RELCH: variants seen among roughly 807,000 people sequenced by gnomAD.
RELCH encodes the protein RAB11-binding protein RELCH.
In RELCH, 41 loss-of-function variants were observed where a neutral mutation model predicts 150.3. That is an observed-to-expected ratio of 0.27 (90% CI 0.21 to 0.35). The LOEUF (loss-of-function observed/expected upper bound fraction) is 0.35, where lower values mean the gene tolerates loss of function less well. Among genes scored for constraint, RELCH ranks in the 10% least tolerant of loss-of-function variants. The pLI, the probability that RELCH is intolerant of heterozygous loss-of-function variation, is 1.00. For synonymous variants in RELCH, 478 were observed against 531.8 expected, an observed-to-expected ratio of 0.90 and a Z score of 1.39; for missense variants, 1,092 against 1,467.8, an observed-to-expected ratio of 0.74 and a Z score of 4.18.
Position 62,257,956 on chromosome 18 carries a change from C to A in RELCH, c.1905C>A (p.Ile635=). Reference sequence around the variant, plus strand: ...AACATGTTTATTTTCAGAAAGAAATCCGTAGCTCCTTGGTTCTTTCAATGT... The same window carrying A: ...AACATGTTTATTTTCAGAAAGAAATACGTAGCTCCTTGGTTCTTTCAATGT... ...GALAPYLPKE[I]RSSLVLSMLQ... The change falls in exon 14 of 29, where the codon ATC becomes ATA. Residue 635 remains isoleucine (I), a synonymous_variant. Coordinates refer to ENST00000644646, the MANE Select transcript of RELCH (RefSeq NM_001346231.2). The A allele has an allele frequency of 1.9e-6, 3 of 1,591,444 alleles. No homozygotes were observed. The highest frequency in any genetic ancestry group is 2.3e-5 in the East Asian group (1 of 43,982).
intron 25 of RELCH, 33 bp from the exon 26 acceptor site, chr18:62,287,318 G>A (rs1242859536): frequency 1.9e-6 from 2 of 1,051,938 alleles, no homozygotes; most frequent in African/African-American, 3.2e-5. Context: ...CATGTTTTGG[G>A]TAAAAATTTA....
intron 28 of RELCH, among the ~76,000 whole-genome samples, chr18:62,301,640 T>G (rs2045668444): frequency 6.6e-6 from 1 of 152,010 alleles, no homozygotes; most frequent in South Asian, 2.1e-4. Context: ...AAGATTGGAG[T>G]GGAGTCTGAG....
chr18:62,192,169 T>A (rs2038691365), intron 1 of RELCH, among the ~76,000 whole-genome samples: 1 of 152,266 alleles, frequency 6.6e-6, no homozygotes. Flanking sequence ...TTTTTTCATA[T>A]GCTTGTTGCC....
At chr18:62,199,881 C>T (rs2039313955) in intron 1 of RELCH, among the ~76,000 whole-genome samples, 1 of 152,124 alleles carries the variant, frequency 6.6e-6, no homozygotes, top group Admixed American at 6.5e-5. Flanking sequence ...GGTAATGACT[C>T]CTTTAGCACA....
At chr18:62,219,203 G>A (rs1285595292) in intron 2 of RELCH, among the ~76,000 whole-genome samples, 1 of 151,122 alleles carries the variant, frequency 6.6e-6, no homozygotes, top group Non-Finnish European at 1.5e-5. Context: ...TCTGACATGG[G>A]TTTTTCTGGC....
Position 62,227,271 on chromosome 18 carries a change from T to G in RELCH, c.859-18T>G. 1.3e-6 allele frequency: 2 copies of G among 1,481,492 alleles called. No homozygotes were observed. The highest frequency in any genetic ancestry group is 1.8e-6 in the Non-Finnish European group (2 of 1,087,784). The allele number at this position is 1,481,492 out of a possible 1,614,324, so 91.8% of individuals were successfully genotyped here. A position where few individuals can be genotyped will look rare whatever the true frequency, so the allele number is the denominator to read the frequency against. The stretch of plus-strand genomic sequence containing the variant: ...AAATTTCCTCGAAGATTTTTTATGT[T>G]TTTTTTTTATCTTTTAGGATTTTGA... On this transcript the variant is annotated intron_variant, in intron 5 of 28. Coordinates refer to ENST00000644646, the MANE Select transcript of RELCH (RefSeq NM_001346231.2).
In RELCH at chr18:62,309,081, T is replaced by G. The variant is rs1324068173; in HGVS notation, c.*3547T>G. On this transcript the variant is annotated 3_prime_UTR_variant, in exon 29 of 29. Transcript: ENST00000644646. ...ATGGTGAAACCGTCTCTACTAAAAATACAAAATTAGCCGGGTATGGTGGCG... is the reference window on the plus strand; with the variant it reads ...ATGGTGAAACCGTCTCTACTAAAAAGACAAAATTAGCCGGGTATGGTGGCG... The G allele has an allele frequency of 6.6e-6, 1 of 151,852 alleles. No homozygotes were observed. The highest frequency in any genetic ancestry group is 6.6e-5 in the Admixed American group (1 of 15,248). 9.4% of individuals were successfully genotyped at this position (151,852 alleles called of 1,614,324 possible). A position where few individuals can be genotyped will look rare whatever the true frequency, so the allele number is the denominator to read the frequency against.
intron 1 of RELCH, among the ~76,000 whole-genome samples, chr18:62,197,651 T>A (rs1599779352): frequency 6.6e-6 from 1 of 152,174 alleles, no homozygotes; most frequent in Non-Finnish European, 1.5e-5. Flanking sequence ...TCCTCATAGA[T>A]TTCTGAGAAT....
chr18:62,211,814 A>G (rs2040189188), intron 2 of RELCH, among the ~76,000 whole-genome samples: 1 of 152,154 alleles, frequency 6.6e-6, no homozygotes, highest in African/African-American at 2.4e-5. Context: ...AAAAAGGTTA[A>G]AATACTTCTG....
rs146015918 is a variant in RELCH at position 62,261,549 on chromosome 18, G to T, written c.2241G>T (p.Met747Ile). The T allele has an allele frequency of 5.0e-6, 8 of 1,611,860 alleles. No individual in the cohort carries two copies. Among genetic ancestry groups the T allele is most frequent in the Non-Finnish European group, 6.8e-6 (8 of 1,178,734 alleles). The change falls in exon 16 of 29, where the codon ATG becomes ATT. Residue 747 changes from methionine to isoleucine, a missense_variant. Physicochemically the swap from Met to Ile is conservative, Grantham distance 10 (BLOSUM62 1). Around this residue, in one of 4 missense-constraint regions of RELCH, gnomAD observed 707 missense variants for 1,025.4 expected, o/e 0.69. Coordinates refer to ENST00000644646, the MANE Select transcript of RELCH (RefSeq NM_001346231.2). ...GACTGGATGAACACAAACTCCACAT[G>T]TATCTTTCTGCCTTGCAGTCCTTGA... ...EHGLDEHKLH[M>I]YLSALQSLIP...
In RELCH at chr18:62,275,483, C is replaced by G; in HGVS notation, c.2967+10C>G. On this transcript the variant is annotated intron_variant, in intron 22 of 28. Transcript: ENST00000644646. Reference sequence around the variant, plus strand: ...TGCTAGAATGTTTGAGGTATGTCAACACATGCCTCTGTTGGTTTCAATTAT... The same window carrying G: ...TGCTAGAATGTTTGAGGTATGTCAAGACATGCCTCTGTTGGTTTCAATTAT... 6.7e-7 allele frequency: 1 copy of G among 1,494,740 alleles called. No individual in the cohort carries two copies. The highest frequency in any genetic ancestry group is 9.3e-7 in the Non-Finnish European group (1 of 1,072,762). The allele number at this position is 1,494,740 out of a possible 1,614,324, so 92.6% of individuals were successfully genotyped here.
intron 1 of RELCH, among the ~76,000 whole-genome samples, chr18:62,200,561 A>C (rs907197904): frequency 7.6e-4 from 114 of 150,084 alleles, no homozygotes; most frequent in African/African-American, 2.8e-3. Context: ...GCTGTCCCCA[A>C]CTTTTTTTTT....
Position 62,280,707 on chromosome 18 carries a change from G to A in RELCH, c.3112G>A (p.Glu1038Lys). 1.9e-6 allele frequency: 3 copies of A among 1,592,754 alleles called. No homozygotes were observed. Among genetic ancestry groups the A allele is most frequent in the Non-Finnish European group, 2.6e-6 (3 of 1,161,172 alleles). The change falls in exon 24 of 29, where the codon GAG becomes AAG. Residue 1038 changes from glutamate (E) to lysine (K), a missense_variant and splice_region_variant. Physicochemically the swap from Glu to Lys is moderately conservative, Grantham distance 56. Coordinates refer to ENST00000644646, the MANE Select transcript of RELCH (RefSeq NM_001346231.2). ...TATTATGGAAACAGTAATTCAAAGA[G>A]AGGTAGGAATAATTGAAATTTATTT... ...GTIMETVIQR[E>K]LLERVKMQLA...
intron 28 of RELCH, among the ~76,000 whole-genome samples, chr18:62,299,811 A>T (rs1487803671): frequency 2.6e-5 from 4 of 152,176 alleles, no homozygotes; most frequent in Non-Finnish European, 5.9e-5. Flanking sequence ...TCCATACCTG[A>T]CCTACTTCTC....
intron 1 of RELCH, among the ~76,000 whole-genome samples, chr18:62,204,551 CA>C (rs1378399265): frequency 6.6e-6 from 1 of 152,066 alleles, no homozygotes. Context: ...AGGCTGGTCT[CA>C]AACCCCTCAA....
At position 62,258,106 on chromosome 18, in the gene RELCH, A is replaced by T. The variant is rs541170926; in HGVS notation, c.2037+18A>T. On this transcript the variant is annotated intron_variant, in intron 14 of 28. Coordinates refer to ENST00000644646, the MANE Select transcript of RELCH (RefSeq NM_001346231.2). ...ATCATCAGGTATGTTTTTCAGAATGAACTGATTTTACTCCATTATAAAATT... is the reference window on the plus strand; with the variant it reads ...ATCATCAGGTATGTTTTTCAGAATGTACTGATTTTACTCCATTATAAAATT... 1 of 1,575,576 alleles carries T rather than the reference A, an allele frequency of 6.3e-7. No homozygotes were observed. Among genetic ancestry groups the T allele is most frequent in the Non-Finnish European group, 8.6e-7 (1 of 1,156,226 alleles).
chr18:62,220,749 G>A, intron 2 of RELCH: 1 of 376,510 alleles, frequency 2.7e-6, no homozygotes. Context: ...ATCTAAATGA[G>A]AGTATGCCAT....
chr18:62,276,402 A>G (rs1159460691), intron 22 of RELCH, among the ~76,000 whole-genome samples: 1 of 152,136 alleles, frequency 6.6e-6, no homozygotes, highest in Non-Finnish European at 1.5e-5. Context: ...AGCCCTTAAA[A>G]CAGTCTCTGG....
At position 62,244,754 on chromosome 18, in the gene RELCH, A is replaced by G. The variant is rs765024774; in HGVS notation, c.1621-10A>G. ...TTTATTTGAATTTTTCCACCCTCGTATTTCTTTAGGAGTTGATCCCCCTCA... is the reference window on the plus strand; with the variant it reads ...TTTATTTGAATTTTTCCACCCTCGTGTTTCTTTAGGAGTTGATCCCCCTCA... On this transcript the variant is annotated splice_polypyrimidine_tract_variant and intron_variant, in intron 10 of 28. Transcript: ENST00000644646. 1.3e-6 allele frequency: 2 copies of G among 1,571,348 alleles called. No individual in the cohort carries two copies. Among genetic ancestry groups the G allele is most frequent in the South Asian group, 1.1e-5 (1 of 89,902 alleles).
Sources: allele counts gnomAD v4.1 joint callset (sites outside exome capture counted in the v4.1 genomes callset), GRCh38; gene constraint gnomAD v4.1.1; regional missense constraint gnomAD v4.1.1; transcripts MANE v1.5; gene names NCBI Gene and HGNC (gene_info 2026-07-23, HGNC 2026-07-21).